Variants in DSE observed in about 807,000 individuals in gnomAD.
DSE encodes dermatan sulfate epimerase.
DSE carries 36 observed loss-of-function variants against 84.4 expected under a neutral mutation model. The ratio of observed to expected loss-of-function variants is 0.43; its 90% CI spans 0.33 to 0.56. The LOEUF (loss-of-function observed/expected upper bound fraction) is 0.56. DSE is among the 20% of genes least tolerant of loss of function. The pLI is 0.06. For missense variants in DSE, 862 were observed against 1,169.6 expected (o/e 0.74, Z 3.84); for synonymous variants, 410 against 430.1 (o/e 0.95, Z 0.58).
chr6:116,283,501 A>G (rs996125417), intron 2 of DSE, among the ~76,000 whole-genome samples: 1 of 151,582 alleles, frequency 6.6e-6, no homozygotes, highest in African/African-American at 2.4e-5. Flanking sequence ...TCATCATAGC[A>G]TGGGGCTCAG....
At chr6:116,398,043 G>A (rs960764997) in intron 1 of DSE, among the ~76,000 whole-genome samples, 1 of 152,076 alleles carries the variant, frequency 6.6e-6, no homozygotes, top group Admixed American at 6.6e-5. Context: ...TGTTCAGCTT[G>A]GGAGGTTGAT....
intron 2 of DSE, among the ~76,000 whole-genome samples, chr6:116,335,160 G>A (rs901822223): frequency 3.3e-5 from 5 of 152,166 alleles, no homozygotes; most frequent in African/African-American, 1.2e-4. Flanking sequence ...TAAAGAAAAT[G>A]TGGTATATAT....
At chr6:116,312,511 G>C (rs1459130866) in intron 2 of DSE, among the ~76,000 whole-genome samples, 1 of 152,074 alleles carries the variant, frequency 6.6e-6, no homozygotes, top group Admixed American at 6.5e-5. Flanking sequence ...GTGAGCAGTT[G>C]GTGGAAGAGG....
intron 2 of DSE, among the ~76,000 whole-genome samples, chr6:116,294,932 C>G (rs1322877864): frequency 6.6e-6 from 1 of 152,116 alleles, no homozygotes; most frequent in Non-Finnish European, 1.5e-5. Flanking sequence ...CTCACCAACT[C>G]CTTACTGAGC....
intron 2 of DSE, chr6:116,279,515 C>T (rs377352006): frequency 6.2e-7 from 1 of 1,608,706 alleles, no homozygotes; most frequent in Non-Finnish European, 8.5e-7. Flanking sequence ...GCCAGGCCTT[C>T]GGCGGGAGGC....
At chr6:116,290,214 G>A (rs895316840) in intron 2 of DSE, among the ~76,000 whole-genome samples, 5 of 151,950 alleles carry the variant, frequency 3.3e-5, no homozygotes, top group South Asian at 2.1e-4. Flanking sequence ...GACAGTAACC[G>A]GGGAACTCAA....
exon 2 of DSE, chr6:116,258,517 C>A (rs1248240695): frequency 1.6e-6 from 2 of 1,257,018 alleles, no homozygotes; most frequent in South Asian, 2.4e-5. Context: ...TGGCCACATG[C>A]TCCAAGAAGG....
Position 116,292,691 on chromosome 6 carries a change from CTGAA to C in DSE, c.-54+33727_-54+33730del, listed in dbSNP as rs375766448. On this transcript the variant is annotated intron_variant, in intron 2 of 3. Coordinates refer to the DSE transcript ENST00000430252. ...AACAAACAAAAAAAAAGAAAACAAA[CTGAA>C]TGTCAGTAAGTAGAAGAAAGGTTGG... 2.2e-3 allele frequency among the ~76,000 whole-genome samples: 336 copies of C among 152,124 alleles called. 4 individuals carry two copies. Among genetic ancestry groups the C allele is most frequent in the African/African-American group, 7.8e-3 (325 of 41,508 alleles).
intron 2 of DSE, among the ~76,000 whole-genome samples, chr6:116,331,697 G>A (rs1333453518): frequency 6.6e-6 from 1 of 152,130 alleles, no homozygotes; most frequent in African/African-American, 2.4e-5. Flanking sequence ...AGTGGCTCAC[G>A]CCTGTAGTCC....
Position 116,345,415 on chromosome 6 carries a change from T to C in DSE, c.-53-53783T>C, listed in dbSNP as rs560441879. 1.6e-4 allele frequency among the ~76,000 whole-genome samples: 25 copies of C among 152,294 alleles called. 1 individual carries two copies. In the South Asian group the frequency reaches 3.3e-3, roughly 20 times the overall value. On this transcript the variant is annotated intron_variant, in intron 2 of 3. Transcript: ENST00000430252. ...TAAAAGAACGGAAATTATAACAAAC[T>C]GTCTCTCAGACCACAGTGCAATCAA...
intron 2 of DSE, among the ~76,000 whole-genome samples, chr6:116,318,331 C>T (rs548029248): frequency 1.3e-5 from 2 of 148,798 alleles, no homozygotes; most frequent in South Asian, 4.2e-4. Flanking sequence ...ACAGTGAAAC[C>T]CCGTCTCTAC....
intron 2 of DSE, among the ~76,000 whole-genome samples, chr6:116,345,652 C>A (rs915567392): frequency 1.3e-5 from 2 of 151,818 alleles, no homozygotes; most frequent in African/African-American, 4.8e-5. Context: ...ACTAAATGCC[C>A]ACAAGAGAAA....
At chr6:116,372,429 C>T (rs966933887) in intron 1 of DSE, among the ~76,000 whole-genome samples, 3 of 152,222 alleles carry the variant, frequency 2.0e-5, no homozygotes, top group Non-Finnish European at 2.9e-5. Context: ...GATTGCGCCA[C>T]TGCTCTCCAG....
intron 1 of DSE, among the ~76,000 whole-genome samples, chr6:116,374,406 T>C (rs1779796747): frequency 6.6e-6 from 1 of 152,160 alleles, no homozygotes; most frequent in Admixed American, 6.6e-5. Flanking sequence ...GTGGATACTA[T>C]TATTCTGTTT....
chr6:116,283,344 T>C (rs1773659061), intron 2 of DSE, among the ~76,000 whole-genome samples: 1 of 152,228 alleles, frequency 6.6e-6, no homozygotes. Context: ...CCTGCAACTC[T>C]TTTATGAGCT....
At chr6:116,282,838 T>A (rs1773627837) in intron 2 of DSE, among the ~76,000 whole-genome samples, 1 of 152,186 alleles carries the variant, frequency 6.6e-6, no homozygotes, top group African/African-American at 2.4e-5. Flanking sequence ...TGTCCTATTT[T>A]TTTTTAAAGA....
chr6:116,337,814 A>G (rs1486305158), intron 2 of DSE, among the ~76,000 whole-genome samples: 2 of 152,180 alleles, frequency 1.3e-5, no homozygotes, highest in South Asian at 2.1e-4. Flanking sequence ...TCTTATGACC[A>G]TTATTAGTAA....
At chr6:116,404,064 T>C (rs1181786791) in intron 2 of DSE, among the ~76,000 whole-genome samples, 1 of 152,272 alleles carries the variant, frequency 6.6e-6, no homozygotes, top group African/African-American at 2.4e-5. Flanking sequence ...ATTTTGCATG[T>C]GTAGAAAAAT....
At position 116,440,473 on chromosome 6, in the gene DSE, A is replaced by C. The variant is rs1784391539; in HGVS notation, c.*3128A>C. ...TCATCATGCCCGGCCAAGTTAAAAA[A>C]ATTTTTGATAGTTCACAAACCACTC... On this transcript the variant is annotated 3_prime_UTR_variant, in exon 6 of 6. Coordinates refer to ENST00000644252, the MANE Select transcript of DSE (RefSeq NM_013352.4). 6.6e-6 allele frequency: 1 copy of C among 152,152 alleles called. No homozygotes were observed. The highest frequency in any genetic ancestry group is 1.5e-5 in the Non-Finnish European group (1 of 68,024). The allele number at this position is 152,152 out of a possible 1,614,324, so 9.4% of individuals were successfully genotyped here.
Sources: allele counts gnomAD v4.1 joint callset (sites outside exome capture counted in the v4.1 genomes callset), GRCh38; gene constraint gnomAD v4.1.1; transcripts MANE v1.5; gene names NCBI Gene and HGNC (gene_info 2026-07-23, HGNC 2026-07-21).